Variants in NRXN3 observed in about 807,000 individuals in gnomAD.
The protein encoded by NRXN3 is neurexin 3, also known as neurexin III.
NRXN3 carries 32 observed loss-of-function variants against 137.6 expected under a neutral mutation model. The ratio of observed to expected loss-of-function variants is 0.23; its 90% CI spans 0.18 to 0.31. The LOEUF (loss-of-function observed/expected upper bound fraction) is 0.31. NRXN3 is among the 10% of genes least tolerant of loss of function. The probability of loss-of-function intolerance (pLI) is 1.00; values close to 1 mark genes in which losing one functional copy is unlikely to be tolerated. For missense variants in NRXN3, 1,574 were observed against 2,062.5 expected (o/e 0.76, Z 4.59); for synonymous variants, 798 against 784.5 (o/e 1.02, Z -0.29).
At chr14:78,953,623 C>G (rs1408000709) in intron 10 of NRXN3, among the ~76,000 whole-genome samples, 1 of 152,162 alleles carries the variant, frequency 6.6e-6, no homozygotes, top group African/African-American at 2.4e-5. Flanking sequence ...TCCCAGAAAT[C>G]TTTTGCATCT....
rs549359628 is a variant in NRXN3, at chr14:79,113,065, A to C, written c.3262+124924A>C. Reference sequence around the variant, plus strand: ...CATTTTCAAATAACAACTTGCTGTTAGGGACTGTTCTGCACATTGTAGGAT... The same window carrying C: ...CATTTTCAAATAACAACTTGCTGTTCGGGACTGTTCTGCACATTGTAGGAT... On this transcript the variant is annotated intron_variant, in intron 15 of 20. Coordinates refer to ENST00000335750, the MANE Select transcript of NRXN3 (RefSeq NM_001330195.2). Among the ~76,000 whole-genome samples the C allele has an allele frequency of 3.3e-5, 5 of 152,256 alleles. No individual in the cohort carries two copies. The East Asian group carries it at 9.6e-4, about 29-fold the overall frequency.
chr14:78,265,676 C>G (rs968905769), intron 2 of NRXN3, among the ~76,000 whole-genome samples: 1 of 152,068 alleles, frequency 6.6e-6, no homozygotes, highest in Admixed American at 6.6e-5. Flanking sequence ...TACCAGTACC[C>G]CAGCAGAGGC....
chr14:79,257,800 G>A (rs1468964997), intron 15 of NRXN3, among the ~76,000 whole-genome samples: 1 of 151,840 alleles, frequency 6.6e-6, no homozygotes, highest in Non-Finnish European at 1.5e-5. Context: ...AATGTATAAA[G>A]CAAGAAGAAT....
chr14:78,406,798 G>A (rs2092515271), intron 4 of NRXN3, among the ~76,000 whole-genome samples: 1 of 152,168 alleles, frequency 6.6e-6, no homozygotes, highest in African/African-American at 2.4e-5. Context: ...GTTGGAGGTG[G>A]GGGTGAGAGG....
At chr14:78,577,879 C>T (rs2096952760) in intron 4 of NRXN3, among the ~76,000 whole-genome samples, 1 of 152,132 alleles carries the variant, frequency 6.6e-6, no homozygotes, top group South Asian at 2.1e-4. Context: ...TGAGATAATA[C>T]CACAGTATGA....
chr14:79,818,446 G>A (rs186408199), intron 20 of NRXN3, among the ~76,000 whole-genome samples: 1 of 152,278 alleles, frequency 6.6e-6, no homozygotes, highest in East Asian at 1.9e-4. Flanking sequence ...AGGAATCTAA[G>A]GATAGAGGCT....
intron 15 of NRXN3, among the ~76,000 whole-genome samples, chr14:79,375,466 T>G (rs1182279275): frequency 6.6e-6 from 1 of 151,914 alleles, no homozygotes; most frequent in African/African-American, 2.4e-5. Flanking sequence ...TGTCTTTGGT[T>G]TGTTGTCTGA....
intron 17 of NRXN3, among the ~76,000 whole-genome samples, chr14:79,667,416 ATG>A (rs1243476150): frequency 6.6e-6 from 1 of 152,018 alleles, no homozygotes; most frequent in Non-Finnish European, 1.5e-5. Flanking sequence ...CAAGGTCTGA[ATG>A]AGTCAGCTGT....
chr14:79,719,010 C>T (rs961399190), intron 19 of NRXN3, among the ~76,000 whole-genome samples: 2 of 152,144 alleles, frequency 1.3e-5, no homozygotes, highest in Admixed American at 6.5e-5. Context: ...TCACTTTTTA[C>T]ACACTTGGAT....
At chr14:79,734,661 T>A (rs1179880099) in intron 19 of NRXN3, among the ~76,000 whole-genome samples, 1 of 152,158 alleles carries the variant, frequency 6.6e-6, no homozygotes, top group African/African-American at 2.4e-5. Context: ...AATATACTGA[T>A]GATGATTATT....
At chr14:79,739,648 CAAAAAAAAAA>C (rs72347811) in intron 19 of NRXN3, among the ~76,000 whole-genome samples, 57 of 31,826 alleles carry the variant, frequency 1.8e-3, no homozygotes, top group African/African-American at 6.0e-3. Context: ...GACTCTGCCT[CAAAAAAAAAA>C]AAAAAAAAAA....
intron 16 of NRXN3, among the ~76,000 whole-genome samples, chr14:79,532,796 C>G (rs57656995): frequency 0.019 from 2,859 of 152,262 alleles, 102 homozygotes; most frequent in African/African-American, 0.066. Context: ...GTTGAAATGA[C>G]TGACATCTTC....
At chr14:78,397,000 A>G (rs2091523655) in intron 4 of NRXN3, among the ~76,000 whole-genome samples, 1 of 152,004 alleles carries the variant, frequency 6.6e-6, no homozygotes, top group African/African-American at 2.4e-5. Flanking sequence ...TCAAATTAAG[A>G]CCCTACCCTT....
intron 16 of NRXN3, among the ~76,000 whole-genome samples, chr14:79,481,589 A>T (rs2096608889): frequency 2.0e-5 from 3 of 152,358 alleles, no homozygotes; most frequent in African/African-American, 4.8e-5. Flanking sequence ...CACAGTAAAA[A>T]TGCAGTATTG....
intron 8 of NRXN3, among the ~76,000 whole-genome samples, chr14:78,735,104 G>A (rs568478321): frequency 3.3e-5 from 5 of 152,234 alleles, no homozygotes; most frequent in Admixed American, 3.3e-4. Flanking sequence ...CATTGACCAG[G>A]GATGTGAAGG....
chr14:79,254,581 C>G (rs919532247), intron 15 of NRXN3, among the ~76,000 whole-genome samples: 1 of 152,148 alleles, frequency 6.6e-6, no homozygotes, highest in African/African-American at 2.4e-5. Flanking sequence ...GAACAGCTGA[C>G]GAACATGCGG....
intron 15 of NRXN3, among the ~76,000 whole-genome samples, chr14:79,400,050 A>T (rs1234473595): frequency 6.6e-6 from 1 of 152,180 alleles, no homozygotes; most frequent in Non-Finnish European, 1.5e-5. Context: ...ACGTGACCTG[A>T]TACGAACACT....
intron 19 of NRXN3, among the ~76,000 whole-genome samples, chr14:79,703,278 G>GTGTC (rs1187058275): frequency 6.6e-6 from 1 of 152,124 alleles, no homozygotes; most frequent in African/African-American, 2.4e-5. Flanking sequence ...TAGCTTTTCA[G>GTGTC]TGTCAGACTG....
At chr14:78,290,478 C>G (rs576308383) in intron 3 of NRXN3, among the ~76,000 whole-genome samples, 1 of 152,196 alleles carries the variant, frequency 6.6e-6, no homozygotes, top group East Asian at 1.9e-4. Context: ...CAGGGAAGGG[C>G]TGGTCTGAGA....
Sources: allele counts gnomAD v4.1 joint callset (sites outside exome capture counted in the v4.1 genomes callset), GRCh38; gene constraint gnomAD v4.1.1; transcripts MANE v1.5; gene names NCBI Gene and HGNC (gene_info 2026-07-23, HGNC 2026-07-21).